The following PNLIPRP1 variants were observed in gnomAD, a reference collection of about 807,000 sequenced individuals.
PNLIPRP1 encodes inactive pancreatic lipase-related protein 1.
Under a neutral mutation model 54.6 loss-of-function variants are expected in PNLIPRP1, and 57 were observed. The ratio of observed to expected loss-of-function variants is 1.04; its 90% CI spans 0.84 to 1.30. The LOEUF (loss-of-function observed/expected upper bound fraction) is 1.30, where lower values mean the gene tolerates loss of function less well. Among genes scored for constraint, PNLIPRP1 ranks in the 50% most tolerant of loss-of-function variants. The pLI, the probability that PNLIPRP1 is intolerant of heterozygous loss-of-function variation, is 0.00. For synonymous variants in PNLIPRP1, 232 were observed against 208.8 expected (o/e 1.11, Z -0.96); for missense variants, 567 against 568.5 (o/e 1.00, Z 0.03).
intron 11 of PNLIPRP1, among the ~76,000 whole-genome samples, chr10:116,604,681 C>CTTTTTTT (rs1234478269): frequency 1.4e-4 from 13 of 94,118 alleles, no homozygotes; most frequent in East Asian, 3.7e-4. Context: ...CTTTCTCTCT[C>CTTTTTTT]TTTTTTTTTT....
In PNLIPRP1 at chr10:116,591,966, G is replaced by C. The variant is rs1554863267; in HGVS notation, c.204+41G>C. 1.9e-6 allele frequency: 3 copies of C among 1,606,460 alleles called. No homozygotes were observed. The East Asian group carries it at 6.7e-5, about 36-fold the overall frequency. ...TTTAAATGTCACTGTAACTGGCACG[G>C]GGCTATGCCCACCCTGCAGACCATG... On this transcript the variant is annotated intron_variant, in intron 3 of 12. Transcript: ENST00000358834.
chr10:116,591,603 T>C (rs1554863157), intron 2 of PNLIPRP1, among the ~76,000 whole-genome samples, 168 bp from the exon 3 acceptor site: 1 of 152,022 alleles, frequency 6.6e-6, no homozygotes, highest in South Asian at 2.1e-4. Context: ...TACCGGCCAG[T>C]AGTAGGTGGG....
In PNLIPRP1 at chr10:116,592,397, A is replaced by G. The variant is rs1554863326; in HGVS notation, c.205-19A>G. ...AGGCTGGGCTGCGAAAACATGAAGC[A>G]CTTCTGCGTCTGTCACAGATTCTCC... On this transcript the variant is annotated intron_variant, in intron 3 of 12. Transcript: ENST00000358834. 6.3e-7 allele frequency: 1 copy of G among 1,579,146 alleles called. No individual in the cohort carries two copies. Among genetic ancestry groups the G allele is most frequent in the South Asian group, 1.2e-5 (1 of 86,012 alleles).
chr10:116,594,756 C>T lies in PNLIPRP1; in HGVS notation c.357C>T (p.Asn119=), dbSNP rs138164747. ...CKKLFEVEEV[N]CICVDWKKGS... is the part of the protein sequence containing the mutation. Reference sequence around the variant, plus strand: ...AACTGTTCGAGGTGGAGGAGGTGAACTGCATCTGCGTGGACTGGAAGAAGG... The same window carrying T: ...AACTGTTCGAGGTGGAGGAGGTGAATTGCATCTGCGTGGACTGGAAGAAGG... The change falls in exon 5 of 13, where the codon AAC becomes AAT. Residue 119 remains asparagine, a synonymous_variant. Transcript: ENST00000358834. 4.7e-5 allele frequency: 76 copies of T among 1,614,170 alleles called. No individual in the cohort carries two copies. The African/African-American group carries it at 9.9e-4, about 21-fold the overall frequency.
chr10:116,592,621 G>T (rs1554863394), intron 4 of PNLIPRP1, 80 bp downstream of exon 4: 1 of 1,528,436 alleles, frequency 6.5e-7, no homozygotes, highest in South Asian at 1.1e-5. Flanking sequence ...ATGCACTCAA[G>T]AAATCTTTAC....
At chr10:116,601,025 T>C in intron 9 of PNLIPRP1, 47 bp from the exon 10 acceptor site, 1 of 1,567,112 alleles carries the variant, frequency 6.4e-7, no homozygotes, top group Non-Finnish European at 8.7e-7. Context: ...GTATCGATCA[T>C]ACAAACACAA....
chr10:116,604,293 C>T (rs1269620006), intron 11 of PNLIPRP1, among the ~76,000 whole-genome samples, 155 bp downstream of exon 11: 1 of 152,238 alleles, frequency 6.6e-6, no homozygotes, highest in African/African-American at 2.4e-5. Context: ...GGACCACATA[C>T]ACAACAGTTG....
intron 6 of PNLIPRP1, among the ~76,000 whole-genome samples, chr10:116,597,525 TGAA>T (rs1847756827): frequency 6.6e-6 from 1 of 152,160 alleles, no homozygotes; most frequent in Non-Finnish European, 1.5e-5. Flanking sequence ...GAAAGGATGA[TGAA>T]GAAGAAAGAT....
Position 116,594,846 on chromosome 10 carries a change from G to C in PNLIPRP1, c.447G>C (p.Gln149His). The C allele has an allele frequency of 6.2e-7, 1 of 1,613,982 alleles. No individual in the cohort carries two copies. The highest frequency in any genetic ancestry group is 8.5e-7 in the Non-Finnish European group (1 of 1,180,014). Residue 149 changes from glutamine (Q) to histidine (H), a missense_variant, in exon 5 of 13, where the codon CAG (glutamine) becomes CAC (histidine). Coordinates refer to ENST00000358834, the MANE Select transcript of PNLIPRP1 (RefSeq NM_006229.4). ...NVRVVGAQVAQMLDILLTEYS... is the reference protein window; with the variant it reads ...NVRVVGAQVAHMLDILLTEYS... ...GAGTGGTGGGCGCCCAGGTGGCCCA[G>C]ATGCTCGACATCCTCTTGGTGAGTC...
Position 116,591,816 on chromosome 10 carries a change from A to T in PNLIPRP1, c.95A>T (p.Glu32Val), listed in dbSNP as rs782716820. ...GACCTCGGGTGCTTTTCTGACACTG[A>T]GCCCTGGGGCGGGACAGCAATCAGG... ...YEDLGCFSDTEPWGGTAIRPL... is the reference protein window; with the variant it reads ...YEDLGCFSDTVPWGGTAIRPL... Residue 32 changes from glutamate (E) to valine (V), a missense_variant, in exon 3 of 13, where the codon GAG (glutamate) becomes GTG (valine). By Grantham distance (121) the Glu-to-Val change is moderately radical. Transcript: ENST00000358834. The T allele has an allele frequency of 1.2e-6, 2 of 1,614,210 alleles. No homozygotes were observed. Among genetic ancestry groups the T allele is most frequent in the South Asian group, 1.1e-5 (1 of 91,084 alleles).
intron 4 of PNLIPRP1, 103 bp from the exon 5 acceptor site, chr10:116,594,627 C>T (rs1847701000): frequency 8.0e-7 from 1 of 1,244,994 alleles, no homozygotes; most frequent in East Asian, 2.3e-5. Context: ...TTATCTCATG[C>T]CCTAGCTAGG....
At chr10:116,602,722 C>T (rs1554864973) in intron 10 of PNLIPRP1, among the ~76,000 whole-genome samples, 1 of 151,962 alleles carries the variant, frequency 6.6e-6, no homozygotes, top group African/African-American at 2.4e-5. Context: ...TACATCTGTG[C>T]ACATGTGTGG....
intron 5 of PNLIPRP1, 181 bp downstream of exon 5, chr10:116,595,045 G>T: frequency 1.5e-6 from 1 of 670,372 alleles, no homozygotes; most frequent in South Asian, 2.2e-5. Context: ...AATAAGAATC[G>T]CTAACACTTA....
At chr10:116,592,704 T>A in intron 4 of PNLIPRP1, 163 bp downstream of exon 4, 1 of 853,028 alleles carries the variant, frequency 1.2e-6, no homozygotes, top group Non-Finnish European at 1.9e-6. Flanking sequence ...GTTTCCGCAC[T>A]ACATCTGCAC....
At position 116,591,150 on chromosome 10, in the gene PNLIPRP1, C is replaced by T; in HGVS notation, c.21C>T (p.Ile7=). MLIFWT[I]TLFLLGAAKG... ...TGTAGATGCTGATCTTCTGGACAAT[C>T]ACACTTTTCCTGCTGGGAGCAGCCA... The change falls in exon 2 of 13, where the codon ATC becomes ATT. Residue 7 remains isoleucine (I), a synonymous_variant. Transcript: ENST00000358834. 6.2e-7 allele frequency: 1 copy of T among 1,613,576 alleles called. No individual in the cohort carries two copies. Among genetic ancestry groups the T allele is most frequent in the Non-Finnish European group, 8.5e-7 (1 of 1,179,806 alleles).
intron 12 of PNLIPRP1, among the ~76,000 whole-genome samples, chr10:116,608,379 T>C (rs1847972567): frequency 6.6e-6 from 1 of 152,110 alleles, no homozygotes; most frequent in African/African-American, 2.4e-5. Context: ...GAGGGAAAGG[T>C]CATGAGGAAC....
chr10:116,592,453 C>T lies in PNLIPRP1; in HGVS notation c.242C>T (p.Ser81Leu), dbSNP rs200607057. ...TCTGATCCATCAACAATTGAGGCAT[C>T]AAATTTTCAAATGGACAGAAAGACC... is the stretch of plus-strand genomic sequence containing the variant. ...LLSDPSTIEASNFQMDRKTRF... is the reference protein window; with the variant it reads ...LLSDPSTIEALNFQMDRKTRF... Residue 81 changes from serine (S) to leucine (L), a missense_variant, in exon 4 of 13, where the codon TCA (serine) becomes TTA (leucine). Coordinates refer to ENST00000358834, the MANE Select transcript of PNLIPRP1 (RefSeq NM_006229.4). The T allele has an allele frequency of 1.2e-6, 2 of 1,613,104 alleles. No individual in the cohort carries two copies. Among genetic ancestry groups the T allele is most frequent in the Admixed American group, 1.7e-5 (1 of 59,950 alleles).
chr10:116,608,987 C>G, intron 12 of PNLIPRP1, 66 bp from the exon 13 acceptor site: 2 of 1,240,044 alleles, frequency 1.6e-6, no homozygotes, highest in Non-Finnish European at 2.3e-6. Context: ...CAAACCAAAA[C>G]AAAACAAAAC....
At chr10:116,594,118 G>A (rs1222815004) in intron 4 of PNLIPRP1, among the ~76,000 whole-genome samples, 1 of 152,048 alleles carries the variant, frequency 6.6e-6, no homozygotes, top group African/African-American at 2.4e-5. Context: ...ATTCAAGCTG[G>A]TAATATGTAC....
Sources: gnomAD v4.1 joint callset for allele counts (sites outside exome capture counted in the v4.1 genomes callset) on GRCh38, gnomAD v4.1.1 for gene constraint, MANE v1.5 for transcripts, NCBI Gene and HGNC (gene_info 2026-07-23, HGNC 2026-07-21) for gene names.